The following FARSB variants were observed in gnomAD, a reference collection of about 807,000 sequenced individuals.
FARSB encodes the protein phenylalanine--tRNA ligase beta subunit.
Under a neutral mutation model 69.6 loss-of-function variants are expected in FARSB, and 40 were observed. That is an observed-to-expected ratio of 0.57 (90% CI 0.45 to 0.75). FARSB has a LOEUF of 0.75. Among genes scored for constraint, FARSB ranks in the 30% least tolerant of loss-of-function variants. FARSB has a pLI of 0.00. For missense variants in FARSB, 632 were observed against 722.9 expected, an observed-to-expected ratio of 0.87 and a Z score of 1.44; for synonymous variants, 235 against 247.2, an observed-to-expected ratio of 0.95 and a Z score of 0.46.
chr2:222,650,657 T>C (rs779211860), intron 1 of FARSB, among the ~76,000 whole-genome samples: 3 of 152,128 alleles, frequency 2.0e-5, no homozygotes, highest in Non-Finnish European at 4.4e-5. Context: ...AGACGGCCTG[T>C]TCCATGATCC....
In FARSB at chr2:222,631,612, A is replaced by G; in HGVS notation, c.778T>C (p.Phe260Leu). The change falls in exon 8 of 17, where the codon TTT becomes CTT. Residue 260 changes from phenylalanine (F) to leucine (L), a missense_variant. Phe to Leu is a conservative substitution (Grantham distance 22, BLOSUM62 0). Transcript: ENST00000281828. ...NIFIECTGTD[F>L]TKAKIVLDII... ...GTAAAAGTTTTACTTACCTTAGTAA[A>G]GTCAGTTCCCGTGCATTCAATAAAA... 6.5e-7 allele frequency: 1 copy of G among 1,537,032 alleles called. No homozygotes were observed. The highest frequency in any genetic ancestry group is 1.1e-5 in the South Asian group (1 of 89,044).
intron 14 of FARSB, among the ~76,000 whole-genome samples, chr2:222,615,063 TC>T (rs969067626): frequency 2.0e-5 from 3 of 152,120 alleles, no homozygotes. Flanking sequence ...ATTTCATTCT[TC>T]CTATTCCTAA....
At chr2:222,643,139 CCA>C (rs1234006472) in intron 2 of FARSB, 134 bp from the exon 3 acceptor site, 100 of 507,862 alleles carry the variant, frequency 2.0e-4, no homozygotes, top group Non-Finnish European at 3.0e-4. Flanking sequence ...ATTATTATAT[CCA>C]CGACAAAAAC....
At chr2:222,588,012 G>T (rs917211049) in intron 16 of FARSB, among the ~76,000 whole-genome samples, 2 of 152,100 alleles carry the variant, frequency 1.3e-5, no homozygotes, top group African/African-American at 2.4e-5. Context: ...ATTTTATGGG[G>T]CCAGCATCAT....
intron 16 of FARSB, among the ~76,000 whole-genome samples, chr2:222,579,063 C>T (rs1689905259): frequency 6.6e-6 from 1 of 152,184 alleles, no homozygotes; most frequent in African/African-American, 2.4e-5. Flanking sequence ...ATTCCCAGTG[C>T]AGCCCTGGCC....
intron 1 of FARSB, among the ~76,000 whole-genome samples, chr2:222,655,105 G>C (rs1000752926): frequency 2.0e-5 from 3 of 152,124 alleles, no homozygotes; most frequent in African/African-American, 7.2e-5. Flanking sequence ...GGCTGAGGCA[G>C]AAAATTGCTT....
chr2:222,650,422 T>G (rs983525394), intron 1 of FARSB, among the ~76,000 whole-genome samples: 9 of 152,122 alleles, frequency 5.9e-5, no homozygotes, highest in African/African-American at 2.2e-4. Context: ...GATGCGATAG[T>G]GAAGACTTCA....
chr2:222,652,333 G>A (rs537837652), intron 1 of FARSB, among the ~76,000 whole-genome samples: 129 of 152,204 alleles, frequency 8.5e-4, no homozygotes, highest in African/African-American at 2.8e-3. Context: ...GAGGGGAAAC[G>A]GTGGTAGTCA....
intron 2 of FARSB, among the ~76,000 whole-genome samples, chr2:222,648,360 G>A (rs1691925215): frequency 6.6e-6 from 1 of 152,190 alleles, no homozygotes. Context: ...GCTGAAGGAG[G>A]AGGCGCTGGA....
At position 222,654,033 on chromosome 2, in the gene FARSB, T is replaced by C. The variant is rs144234761; in HGVS notation, c.58+1983A>G. Among the ~76,000 whole-genome samples, 627 of 152,318 alleles carry C rather than the reference T, an allele frequency of 4.1e-3. 2 individuals carry two copies. The highest frequency in any genetic ancestry group is 7.6e-3 in the Non-Finnish European group (518 of 68,022). On this transcript the variant is annotated intron_variant, in intron 1 of 16. Transcript: ENST00000281828. The stretch of plus-strand genomic sequence containing the variant: ...AGACAGAATATGTTAAAACATCAGA[T>C]GATAGTAAATAGGTTATAAATCTCA...
chr2:222,640,924 C>G lies in FARSB; in HGVS notation c.277G>C (p.Ala93Pro), dbSNP rs147487059. The change falls in exon 4 of 17, where the codon GCT (alanine) becomes CCT (proline). Residue 93 changes from alanine (A) to proline (P), a missense_variant. Ala to Pro is a conservative substitution (Grantham distance 27). Coordinates refer to ENST00000281828, the MANE Select transcript of FARSB (RefSeq NM_005687.5). ...GLQVFKERIK[A>P]PVYKRVMPDG... Reference sequence around the variant, plus strand: ...GGCATTACCCGTTTATACACTGGAGCCTTTATCCTAAAATAATATTTAAAT... The same window carrying G: ...GGCATTACCCGTTTATACACTGGAGGCTTTATCCTAAAATAATATTTAAAT... 531 of 1,484,046 alleles carry G rather than the reference C, an allele frequency of 3.6e-4. 1 individual carries two copies. In the African/African-American group the frequency reaches 6.3e-3, roughly 17 times the overall value. 91.9% of individuals were successfully genotyped at this position (1,484,046 alleles called of 1,614,324 possible).
chr2:222,627,663 A>G (rs1691312612), intron 10 of FARSB, among the ~76,000 whole-genome samples: 1 of 152,258 alleles, frequency 6.6e-6, no homozygotes, highest in Non-Finnish European at 1.5e-5. Context: ...TTAAAAACTA[A>G]TATTGCCTAT....
intron 5 of FARSB, among the ~76,000 whole-genome samples, chr2:222,636,247 A>G (rs1249219082): frequency 6.6e-6 from 1 of 152,056 alleles, no homozygotes; most frequent in Non-Finnish European, 1.5e-5. Flanking sequence ...TCTACTAAAA[A>G]TACAAAAAAT....
intron 16 of FARSB, among the ~76,000 whole-genome samples, chr2:222,577,950 C>T (rs1301048772): frequency 6.6e-6 from 1 of 152,074 alleles, no homozygotes; most frequent in Non-Finnish European, 1.5e-5. Context: ...ATTTTAAAAC[C>T]TAAAGGAGGT....
chr2:222,655,053 T>C (rs1343962497), intron 1 of FARSB, among the ~76,000 whole-genome samples: 2 of 151,688 alleles, frequency 1.3e-5, no homozygotes, highest in Non-Finnish European at 2.9e-5. Context: ...AAAAAATTAC[T>C]CGGGCGCGAT....
chr2:222,643,085 G>T, intron 2 of FARSB, 80 bp from the exon 3 acceptor site: 1 of 710,846 alleles, frequency 1.4e-6, no homozygotes, highest in Non-Finnish European at 2.3e-6. Context: ...AGCCCTATAA[G>T]GCAGTAACTA....
chr2:222,654,212 C>G (rs1692113232), intron 1 of FARSB, among the ~76,000 whole-genome samples: 1 of 152,190 alleles, frequency 6.6e-6, no homozygotes, highest in African/African-American at 2.4e-5. Flanking sequence ...AATCTGAAAT[C>G]TGACATGCTC....
chr2:222,640,201 A>G (rs1691684166), intron 4 of FARSB, among the ~76,000 whole-genome samples: 1 of 152,212 alleles, frequency 6.6e-6, no homozygotes, highest in Non-Finnish European at 1.5e-5. Flanking sequence ...TTAGAAGGGT[A>G]AGCTTTGGAC....
At chr2:222,590,098 A>C (rs1690224477) in intron 16 of FARSB, among the ~76,000 whole-genome samples, 1 of 152,200 alleles carries the variant, frequency 6.6e-6, no homozygotes, top group South Asian at 2.1e-4. Context: ...CACAATAGCA[A>C]AGACTTGGAA....
Sources: allele counts gnomAD v4.1 joint callset (sites outside exome capture counted in the v4.1 genomes callset), GRCh38; gene constraint gnomAD v4.1.1; transcripts MANE v1.5; gene names NCBI Gene and HGNC (gene_info 2026-07-23, HGNC 2026-07-21).